DACH1: variants seen among roughly 807,000 people sequenced by gnomAD.
DACH1 encodes the protein dachshund homolog 1.
A neutral mutation model predicts 54.2 loss-of-function variants in DACH1; 12 were observed. That is an observed-to-expected ratio of 0.22 (90% CI 0.14 to 0.36). The LOEUF (loss-of-function observed/expected upper bound fraction) is 0.36. Among genes scored for constraint, DACH1 ranks in the 10% least tolerant of loss-of-function variants. The pLI, the probability that DACH1 is intolerant of heterozygous loss-of-function variation, is 1.00. For synonymous variants in DACH1, 386 were observed against 366.2 expected (o/e 1.05, Z -0.62); for missense variants, 805 against 929.8 (o/e 0.87, Z 1.75).
Position 71,467,535 on chromosome 13 carries a change from T to C in DACH1, c.2083+7606A>G, listed in dbSNP as rs141217360. On this transcript the variant is annotated intron_variant, in intron 10 of 10. Transcript: ENST00000613252. ...AAAATAAATAAAAAAGAATAAAATA[T>C]TTATGCTGAAATAAAAAAAATTCTA... is the stretch of plus-strand genomic sequence containing the variant. Among the ~76,000 whole-genome samples the C allele has an allele frequency of 4.4e-3, 669 of 151,330 alleles. 4 individuals carry two copies. The highest frequency in any genetic ancestry group is 0.016 in the African/African-American group (648 of 41,426).
chr13:71,866,538 C>T lies in DACH1; in HGVS notation c.232G>A (p.Gly78Ser). ...ATVTSTGGGG[G>S]GGGSGGGGGS... is the part of the protein sequence containing the mutation. ...CCGCCGCCTCCGCTGCCGCCGCCGC[C>T]GCCGCCGCCGCCGGTAGAGGTGACT... The change falls in exon 1 of 11, where the codon GGC becomes AGC. Residue 78 changes from glycine (G) to serine (S), a missense_variant. Around this residue, in one of 3 missense-constraint regions of DACH1, gnomAD observed 305 missense variants for 308.7 expected, o/e 0.99. Coordinates refer to ENST00000613252, the MANE Select transcript of DACH1 (RefSeq NM_080759.6). 1 of 1,240,286 alleles carries T rather than the reference C, an allele frequency of 8.1e-7. No homozygotes were observed. Among genetic ancestry groups the T allele is most frequent in the Non-Finnish European group, 1.0e-6 (1 of 988,678 alleles). The allele number at this position is 1,240,286 out of a possible 1,614,324, so 76.8% of individuals were successfully genotyped here.
intron 4 of DACH1, among the ~76,000 whole-genome samples, chr13:71,562,601 G>T (rs182470444): frequency 6.6e-6 from 1 of 151,974 alleles, no homozygotes; most frequent in African/African-American, 2.4e-5. Flanking sequence ...CATGGAAAAC[G>T]AATATATTAT....
At position 71,702,661 on chromosome 13, in the gene DACH1, CATG is replaced by C. The variant is rs573994363; in HGVS notation, c.849-20754_849-20752del. On this transcript the variant is annotated intron_variant, in intron 1 of 10. Coordinates refer to ENST00000613252, the MANE Select transcript of DACH1 (RefSeq NM_080759.6). ...ATACCCTAACATCTTTCCTGAAACA[CATG>C]ATAATAATTATCTTAGGAAAAGGTG... is the stretch of plus-strand genomic sequence containing the variant. Among the ~76,000 whole-genome samples, 616 of 152,156 alleles carry C rather than the reference CATG, an allele frequency of 4.0e-3. 2 individuals carry two copies. Among genetic ancestry groups the C allele is most frequent in the African/African-American group, 0.014 (580 of 41,530 alleles).
intron 2 of DACH1, among the ~76,000 whole-genome samples, chr13:71,637,482 G>A (rs970258942): frequency 9.9e-5 from 15 of 152,098 alleles, no homozygotes; most frequent in Admixed American, 3.9e-4. Context: ...CTAAAAATCA[G>A]GTTTCCATCA....
At chr13:71,828,335 T>C (rs891471687) in intron 1 of DACH1, among the ~76,000 whole-genome samples, 1 of 151,980 alleles carries the variant, frequency 6.6e-6, no homozygotes, top group African/African-American at 2.4e-5. Context: ...TGATAAGATC[T>C]GTGTCTGCTT....
chr13:71,651,773 T>C (rs942821847), intron 2 of DACH1, among the ~76,000 whole-genome samples: 2 of 152,180 alleles, frequency 1.3e-5, no homozygotes, highest in African/African-American at 4.8e-5. Context: ...ATCATAAGCT[T>C]CTGAATATAT....
intron 1 of DACH1, among the ~76,000 whole-genome samples, chr13:71,714,098 A>G (rs899466935): frequency 1.3e-5 from 2 of 152,084 alleles, no homozygotes; most frequent in Admixed American, 6.6e-5. Context: ...CTGTGCATAA[A>G]TAGATGCTCA....
At chr13:71,555,353 T>G (rs1262551865) in intron 6 of DACH1, among the ~76,000 whole-genome samples, 2 of 151,778 alleles carry the variant, frequency 1.3e-5, no homozygotes, top group African/African-American at 2.4e-5. Flanking sequence ...ATCTTTTCTT[T>G]TTTTTTTTGA....
At chr13:71,679,785 C>T (rs1019786262) in intron 2 of DACH1, among the ~76,000 whole-genome samples, 2 of 151,860 alleles carry the variant, frequency 1.3e-5, no homozygotes, top group African/African-American at 4.8e-5. Context: ...GAGATCGAGA[C>T]CATCCTGGCC....
At chr13:71,594,464 C>T (rs936559906) in intron 3 of DACH1, among the ~76,000 whole-genome samples, 1 of 151,964 alleles carries the variant, frequency 6.6e-6, no homozygotes, top group Non-Finnish European at 1.5e-5. Context: ...CCTTCTATGA[C>T]TAAACTCATA....
chr13:71,647,708 C>G (rs187629496), intron 2 of DACH1, among the ~76,000 whole-genome samples: 2 of 152,126 alleles, frequency 1.3e-5, no homozygotes, highest in African/African-American at 4.8e-5. Flanking sequence ...ATACCTGAAT[C>G]AAGTTAGGAT....
chr13:71,731,591 G>T (rs1356437856), intron 1 of DACH1, among the ~76,000 whole-genome samples: 1 of 152,060 alleles, frequency 6.6e-6, no homozygotes. Context: ...CCTGTTTCTT[G>T]ATGTTCTTTA....
At chr13:71,473,974 A>G (rs1159124013) in intron 10 of DACH1, among the ~76,000 whole-genome samples, 2 of 152,198 alleles carry the variant, frequency 1.3e-5, no homozygotes, top group Non-Finnish European at 2.9e-5. Context: ...AACCATATAC[A>G]TACAAACACA....
chr13:71,833,398 G>A (rs147840460), intron 1 of DACH1, among the ~76,000 whole-genome samples: 154 of 152,040 alleles, frequency 1.0e-3, no homozygotes, highest in Middle Eastern at 6.8e-3. Context: ...GAAAGCATCC[G>A]TTAACCTAAT....
intron 10 of DACH1, among the ~76,000 whole-genome samples, chr13:71,443,083 A>G (rs1182684634): frequency 6.7e-6 from 1 of 148,472 alleles, no homozygotes; most frequent in Non-Finnish European, 1.5e-5. Context: ...ATGTAATTAT[A>G]TATTATATGT....
chr13:71,863,087 C>A (rs1874463988), intron 1 of DACH1, among the ~76,000 whole-genome samples: 2 of 151,758 alleles, frequency 1.3e-5, no homozygotes, highest in East Asian at 1.9e-4. Flanking sequence ...TTCTTCACAG[C>A]AAAGATATAA....
chr13:71,794,265 T>C (rs955536081), intron 1 of DACH1, among the ~76,000 whole-genome samples: 2 of 152,102 alleles, frequency 1.3e-5, no homozygotes, highest in African/African-American at 4.8e-5. Flanking sequence ...TTTTCCTGTA[T>C]CAATCTCCCA....
intron 3 of DACH1, among the ~76,000 whole-genome samples, chr13:71,579,826 T>C (rs1191249491): frequency 6.6e-6 from 1 of 152,126 alleles, no homozygotes; most frequent in Non-Finnish European, 1.5e-5. Context: ...AAACACTGGT[T>C]TTTTGATGCC....
chr13:71,452,807 A>G lies in DACH1; in HGVS notation c.2084-12115T>C, dbSNP rs141618359. Among the ~76,000 whole-genome samples, 138 of 152,286 alleles carry G rather than the reference A, an allele frequency of 9.1e-4. 1 individual carries two copies. The highest frequency in any genetic ancestry group is 3.2e-3 in the African/African-American group (133 of 41,564). On this transcript the variant is annotated intron_variant, in intron 10 of 10. Coordinates refer to ENST00000613252, the MANE Select transcript of DACH1 (RefSeq NM_080759.6). ...TAAAGTTTATGAAGTCTGCTTAACT[A>G]TTACCTGTTACTGAGTTAGGACTGC...
Sources: allele counts gnomAD v4.1 joint callset (sites outside exome capture counted in the v4.1 genomes callset), GRCh38; gene constraint gnomAD v4.1.1; regional missense constraint gnomAD v4.1.1; transcripts MANE v1.5; gene names NCBI Gene and HGNC (gene_info 2026-07-23, HGNC 2026-07-21).